CYB5R4: variants seen among roughly 807,000 people sequenced by gnomAD.
CYB5R4 encodes cytochrome b5 reductase 4.
Under a neutral mutation model 70.2 loss-of-function variants are expected in CYB5R4, and 55 were observed. The observed-to-expected ratio is 0.78, with a 90% confidence interval of 0.63 to 0.98. CYB5R4 has a LOEUF of 0.98. Among genes scored for constraint, CYB5R4 ranks in the 50% least tolerant of loss-of-function variants. The probability of loss-of-function intolerance (pLI) is 0.00; values close to 1 mark genes in which losing one functional copy is unlikely to be tolerated. For synonymous variants in CYB5R4, 197 were observed against 199.5 expected (o/e 0.99, Z 0.11); for missense variants, 562 against 612.6 (o/e 0.92, Z 0.87).
rs1244586058 is a variant in CYB5R4 at position 83,894,935 on chromosome 6, G to A, written c.330+1313G>A. 4.6e-5 allele frequency among the ~76,000 whole-genome samples: 7 copies of A among 152,046 alleles called. No individual in the cohort carries two copies. In the South Asian group the frequency reaches 6.2e-4, roughly 14 times the overall value. On this transcript the variant is annotated intron_variant, in intron 3 of 15. Coordinates refer to ENST00000369681, the MANE Select transcript of CYB5R4 (RefSeq NM_016230.4). ...AGTAAACCCATATGTAAATGGACTC[G>A]GTTGCAGTTCAAACCTGTGTTGTTC...
chr6:83,941,505 C>CT (rs1411074117), intron 14 of CYB5R4, among the ~76,000 whole-genome samples: 4 of 152,164 alleles, frequency 2.6e-5, no homozygotes, highest in African/African-American at 9.6e-5. Context: ...AATTCTAGGC[C>CT]TTTTAAAAGA....
intron 4 of CYB5R4, among the ~76,000 whole-genome samples, chr6:83,911,253 A>G (rs2099464634): frequency 6.6e-6 from 1 of 152,078 alleles, no homozygotes. Flanking sequence ...AAAATTAAAA[A>G]AAAATTATAT....
chr6:83,931,876 G>T (rs1329615355), intron 10 of CYB5R4, among the ~76,000 whole-genome samples: 1 of 150,932 alleles, frequency 6.6e-6, no homozygotes, highest in African/African-American at 2.4e-5. Context: ...ATGTATACTT[G>T]TGCCATGTTG....
chr6:83,921,650 A>AT (rs145844544), intron 8 of CYB5R4, among the ~76,000 whole-genome samples: 73 of 152,272 alleles, frequency 4.8e-4, no homozygotes, highest in Non-Finnish European at 6.2e-4. Context: ...CCAACTTTGT[A>AT]TTTTTTTATC....
chr6:83,939,026 G>A (rs2099469353), intron 12 of CYB5R4, among the ~76,000 whole-genome samples: 1 of 151,858 alleles, frequency 6.6e-6, no homozygotes, highest in Admixed American at 6.6e-5. Flanking sequence ...AGTAGAGACG[G>A]GGTTTCTCCA....
At chr6:83,899,751 A>G (rs1416887984) in intron 3 of CYB5R4, among the ~76,000 whole-genome samples, 1 of 152,042 alleles carries the variant, frequency 6.6e-6, no homozygotes, top group East Asian at 1.9e-4. Flanking sequence ...GTTTATTTGC[A>G]TAGAGGTGTT....
At chr6:83,928,150 A>G (rs544935969) in intron 10 of CYB5R4, among the ~76,000 whole-genome samples, 3 of 152,274 alleles carry the variant, frequency 2.0e-5, no homozygotes, top group South Asian at 4.1e-4. Context: ...ACCAATAAGT[A>G]TTTCTTTTTA....
intron 7 of CYB5R4, 36 bp downstream of exon 7, chr6:83,919,490 A>G (rs748532026): frequency 8.8e-7 from 1 of 1,132,944 alleles, no homozygotes; most frequent in Admixed American, 2.5e-5. Flanking sequence ...AGAAGAAAAT[A>G]ATAAATGTTA....
chr6:83,905,456 G>A (rs571613649), intron 3 of CYB5R4, among the ~76,000 whole-genome samples: 1 of 152,320 alleles, frequency 6.6e-6, no homozygotes, highest in South Asian at 2.1e-4. Context: ...GTGTGCAGTA[G>A]TGTAGTCTCT....
At position 83,963,720 on chromosome 6, in the gene CYB5R4, G is replaced by A. The variant is rs1201931800; in HGVS notation, c.*3842G>A. ...ATGGAATGGAAGCATTATCTTGGGT[G>A]CAGCATTACACGTAGAGTTAAAATG... is the stretch of plus-strand genomic sequence containing the variant. On this transcript the variant is annotated 3_prime_UTR_variant, in exon 16 of 16. Transcript: ENST00000369681. The A allele has an allele frequency of 6.6e-6, 1 of 152,136 alleles. No homozygotes were observed. The highest frequency in any genetic ancestry group is 2.4e-5 in the African/African-American group (1 of 41,430). 9.4% of individuals were successfully genotyped at this position (152,136 alleles called of 1,614,324 possible).
At chr6:83,913,515 G>A (rs1588574279) in intron 4 of CYB5R4, among the ~76,000 whole-genome samples, 1 of 151,928 alleles carries the variant, frequency 6.6e-6, no homozygotes, top group East Asian at 1.9e-4. Flanking sequence ...AAATTATTTT[G>A]GTAAAATGAG....
intron 3 of CYB5R4, among the ~76,000 whole-genome samples, chr6:83,895,853 C>T (rs1032798528): frequency 6.6e-6 from 1 of 152,094 alleles, no homozygotes; most frequent in Non-Finnish European, 1.5e-5. Flanking sequence ...ACTACAGTGA[C>T]GCTTGCATTT....
intron 2 of CYB5R4, among the ~76,000 whole-genome samples, chr6:83,874,391 C>T (rs893911175): frequency 2.6e-5 from 4 of 151,414 alleles, no homozygotes; most frequent in South Asian, 2.1e-4. Flanking sequence ...TTTGTAGAGC[C>T]GGGCCTCACT....
At chr6:83,861,136 C>T (rs563042261) in intron 1 of CYB5R4, among the ~76,000 whole-genome samples, 2 of 152,276 alleles carry the variant, frequency 1.3e-5, no homozygotes, top group East Asian at 3.9e-4. Flanking sequence ...GAGTTACTGC[C>T]CTTCTTCGTT....
At chr6:83,905,135 A>G (rs149452278) in intron 3 of CYB5R4, among the ~76,000 whole-genome samples, 1,927 of 152,000 alleles carry the variant, frequency 0.013, 44 homozygotes, top group African/African-American at 0.044. Context: ...GCTCACTGCA[A>G]CCTCCGCGTC....
intron 2 of CYB5R4, among the ~76,000 whole-genome samples, chr6:83,886,474 G>T (rs2129132639): frequency 6.6e-6 from 1 of 152,270 alleles, no homozygotes; most frequent in Non-Finnish European, 1.5e-5. Flanking sequence ...ACTGATACAT[G>T]CAACATTATG....
chr6:83,928,982 A>G (rs184497114), intron 10 of CYB5R4, among the ~76,000 whole-genome samples: 3 of 152,282 alleles, frequency 2.0e-5, no homozygotes, highest in East Asian at 3.9e-4. Context: ...ATCCTGAAAC[A>G]CCATTAAAAA....
intron 5 of CYB5R4, among the ~76,000 whole-genome samples, chr6:83,916,126 A>G (rs1251546643): frequency 1.3e-5 from 2 of 152,092 alleles, no homozygotes; most frequent in African/African-American, 2.4e-5. Flanking sequence ...TAATTATACT[A>G]AATAGTTTTT....
intron 14 of CYB5R4, among the ~76,000 whole-genome samples, chr6:83,955,088 T>C (rs1204393077): frequency 1.3e-5 from 2 of 152,144 alleles, no homozygotes; most frequent in Admixed American, 6.5e-5. Flanking sequence ...ACATTCCTTA[T>C]CTATAGGAAA....
Sources: gnomAD v4.1 joint callset for allele counts (sites outside exome capture counted in the v4.1 genomes callset) on GRCh38, gnomAD v4.1.1 for gene constraint, MANE v1.5 for transcripts, NCBI Gene and HGNC (gene_info 2026-07-23, HGNC 2026-07-21) for gene names.